SDK1: variants seen among roughly 807,000 people sequenced by gnomAD.
SDK1 encodes protein sidekick-1.
Under a neutral mutation model 245.5 loss-of-function variants are expected in SDK1, and 157 were observed. The observed-to-expected ratio is 0.64, with a 90% CI of 0.56 to 0.73. The LOEUF is 0.73. Ranked by LOEUF, SDK1 falls within the 30% of genes least tolerant of loss-of-function variation. The pLI is 0.00. For missense variants in SDK1, 3,583 were observed against 3,002.3 expected, an observed-to-expected ratio of 1.19 and a Z score of -4.52; for synonymous variants, 1,647 against 1,278.5, an observed-to-expected ratio of 1.29 and a Z score of -6.15.
chr7:3,725,737 GAGA>G lies in SDK1; in HGVS notation c.713+83637_713+83639del, dbSNP rs565395657. On this transcript the variant is annotated intron_variant, in intron 4 of 44. Coordinates refer to ENST00000404826, the MANE Select transcript of SDK1 (RefSeq NM_152744.4). ...GTTGCCGGAAGCCAAGACCACTGGA[GAGA>G]AGAAAATTGCTAGTACCAGTGTGGG... is the stretch of plus-strand genomic sequence containing the variant. Among the ~76,000 whole-genome samples, 374 of 152,318 alleles carry G rather than the reference GAGA, an allele frequency of 2.5e-3. 3 individuals carry two copies. Among genetic ancestry groups the G allele is most frequent in the African/African-American group, 8.8e-3 (365 of 41,580 alleles).
intron 25 of SDK1, among the ~76,000 whole-genome samples, chr7:4,117,559 A>C (rs763361630): frequency 6.6e-6 from 1 of 152,236 alleles, no homozygotes; most frequent in Non-Finnish European, 1.5e-5. Flanking sequence ...AGGAACTAGA[A>C]AGAGTTCAGC....
chr7:4,184,506 T>C (rs1177756887), intron 35 of SDK1, among the ~76,000 whole-genome samples: 1 of 152,192 alleles, frequency 6.6e-6, no homozygotes, highest in Non-Finnish European at 1.5e-5. Flanking sequence ...CAGTCAGTAT[T>C]TGGTGAATGA....
intron 8 of SDK1, among the ~76,000 whole-genome samples, chr7:3,959,770 A>G (rs1184667381): frequency 6.6e-6 from 1 of 151,946 alleles, no homozygotes; most frequent in Non-Finnish European, 1.5e-5. Flanking sequence ...GTGGCCGAAT[A>G]GTATTTGAAT....
intron 5 of SDK1, among the ~76,000 whole-genome samples, chr7:3,918,130 C>T (rs1779449326): frequency 1.3e-5 from 2 of 152,180 alleles, no homozygotes; most frequent in African/African-American, 4.8e-5. Flanking sequence ...TCACCTCAAA[C>T]TCAACAGAAG....
At chr7:3,792,972 C>A (rs571514520) in intron 4 of SDK1, among the ~76,000 whole-genome samples, 4 of 152,128 alleles carry the variant, frequency 2.6e-5, no homozygotes, top group African/African-American at 9.7e-5. Context: ...ATAACTCAAG[C>A]CTTTCACATA....
Position 3,667,801 on chromosome 7 carries a change from G to T in SDK1, c.713+25696G>T, listed in dbSNP as rs1783580105. On this transcript the variant is annotated intron_variant, in intron 4 of 44. Transcript: ENST00000404826. ...CTTTGTTCTTCTTTATTCATAAGTAGTATTTTATTGTGTGCATGTACCACA... is the reference window on the plus strand; with the variant it reads ...CTTTGTTCTTCTTTATTCATAAGTATTATTTTATTGTGTGCATGTACCACA... Among the ~76,000 whole-genome samples, 3 of 152,252 alleles carry T rather than the reference G, an allele frequency of 2.0e-5. No individual in the cohort carries two copies. In the South Asian group the frequency reaches 6.2e-4, roughly 32 times the overall value.
intron 4 of SDK1, among the ~76,000 whole-genome samples, chr7:3,660,601 G>A (rs765504770): frequency 1.3e-5 from 2 of 152,076 alleles, no homozygotes; most frequent in African/African-American, 2.4e-5. Flanking sequence ...CCTGTTTCAC[G>A]CCCCAACATA....
chr7:3,476,021 T>C (rs1303452351), intron 1 of SDK1: 3 of 152,670 alleles, frequency 2.0e-5, no homozygotes, highest in African/African-American at 7.2e-5. Context: ...ACTTTTCCTA[T>C]TCATCATCAA....
chr7:3,308,242 C>A (rs536759771), intron 1 of SDK1, among the ~76,000 whole-genome samples: 1 of 152,024 alleles, frequency 6.6e-6, no homozygotes, highest in Non-Finnish European at 1.5e-5. Flanking sequence ...GCTAACAAAT[C>A]TGGAGGTAAT....
chr7:3,567,485 A>C (rs899636349), intron 1 of SDK1, among the ~76,000 whole-genome samples: 4 of 152,216 alleles, frequency 2.6e-5, no homozygotes, highest in African/African-American at 9.7e-5. Flanking sequence ...CGTTTAGACT[A>C]AGTGGTCAAA....
chr7:3,967,834 C>T lies in SDK1; in HGVS notation c.1546+400C>T, dbSNP rs918911074. Among the ~76,000 whole-genome samples the T allele has an allele frequency of 1.4e-4, 21 of 152,364 alleles. 1 individual carries two copies. The highest frequency in any genetic ancestry group is 5.2e-4 in the Admixed American group (8 of 15,312). On this transcript the variant is annotated intron_variant, in intron 10 of 44. Coordinates refer to ENST00000404826, the MANE Select transcript of SDK1 (RefSeq NM_152744.4). The stretch of plus-strand genomic sequence containing the variant: ...GGTGGCCACCGCTCACCTCCTGCTA[C>T]GCAGCCCAGTTCCAAACAGGTCTGC...
At chr7:3,867,283 T>C (rs564645803) in intron 5 of SDK1, among the ~76,000 whole-genome samples, 1 of 152,206 alleles carries the variant, frequency 6.6e-6, no homozygotes, top group African/African-American at 2.4e-5. Flanking sequence ...GGACTCTTCA[T>C]TGAAAGCATG....
intron 10 of SDK1, among the ~76,000 whole-genome samples, chr7:3,967,988 A>G (rs933571413): frequency 1.2e-4 from 18 of 152,226 alleles, no homozygotes; most frequent in African/African-American, 4.3e-4. Context: ...GAAAAAGAGA[A>G]GGATTGTGCA....
intron 13 of SDK1, among the ~76,000 whole-genome samples, chr7:3,977,932 A>T (rs1021035335): frequency 6.6e-6 from 1 of 151,924 alleles, no homozygotes; most frequent in Admixed American, 6.6e-5. Context: ...TCTGTTCCCT[A>T]CTCGTACCTT....
intron 5 of SDK1, among the ~76,000 whole-genome samples, chr7:3,823,960 T>G (rs7810422): frequency 3.3e-5 from 5 of 151,600 alleles, no homozygotes; most frequent in South Asian, 2.1e-4. Context: ...GTGTTTTTTT[T>G]TTTTGTTTTT....
chr7:3,959,904 G>A (rs1370732375), intron 8 of SDK1, among the ~76,000 whole-genome samples: 1 of 151,732 alleles, frequency 6.6e-6, no homozygotes, highest in African/African-American at 2.4e-5. Flanking sequence ...ACCGTCTCAT[G>A]TCGGGCAGCA....
intron 5 of SDK1, among the ~76,000 whole-genome samples, chr7:3,933,910 T>G (rs1780067054): frequency 6.6e-6 from 1 of 152,150 alleles, no homozygotes; most frequent in Non-Finnish European, 1.5e-5. Flanking sequence ...CTCAAAAGGT[T>G]GGCGCTTGGT....
At chr7:3,816,257 G>A (rs895178330) in intron 4 of SDK1, among the ~76,000 whole-genome samples, 3 of 152,082 alleles carry the variant, frequency 2.0e-5, no homozygotes, top group Middle Eastern at 3.4e-3. Context: ...GAGCAGAACT[G>A]AAGGAAAGAG....
chr7:4,132,619 T>C, intron 28 of SDK1, 196 bp downstream of exon 28: 2 of 499,298 alleles, frequency 4.0e-6, no homozygotes, highest in South Asian at 4.4e-5. Flanking sequence ...TCCCAGCTAC[T>C]TGGGAGGCTA....
Sources: gnomAD v4.1 joint callset for allele counts (sites outside exome capture counted in the v4.1 genomes callset) on GRCh38, gnomAD v4.1.1 for gene constraint, MANE v1.5 for transcripts, NCBI Gene and HGNC (gene_info 2026-07-23, HGNC 2026-07-21) for gene names.